Variants in MYH10 observed in about 807,000 individuals in gnomAD.
MYH10 encodes the protein myosin-10.
In MYH10, 55 loss-of-function variants were observed where a neutral mutation model predicts 257.8. The observed-to-expected ratio is 0.21, with a 90% CI of 0.17 to 0.27. The LOEUF (loss-of-function observed/expected upper bound fraction) is 0.27, where lower values mean the gene tolerates loss of function less well. MYH10 is among the 10% of genes least tolerant of loss of function. MYH10 has a pLI of 1.00. For synonymous variants in MYH10, 854 were observed against 921.7 expected, an observed-to-expected ratio of 0.93 and a Z score of 1.33; for missense variants, 1,631 against 2,500.6, an observed-to-expected ratio of 0.65 and a Z score of 7.42.
In MYH10 at chr17:8,535,410, A is replaced by G; in HGVS notation, c.1871T>C (p.Phe624Ser). 6.2e-7 allele frequency: 1 copy of G among 1,613,932 alleles called. No homozygotes were observed. Among genetic ancestry groups the G allele is most frequent in the Non-Finnish European group, 8.5e-7 (1 of 1,179,902 alleles). Residue 624 changes from phenylalanine to serine, a missense_variant, in exon 16 of 43, where the codon TTT becomes TCT. Coordinates refer to ENST00000360416, the MANE Select transcript of MYH10 (RefSeq NM_001256012.3). This position sits in a 1 kb window ranked among gnomAD's most constrained non-coding sequence, Gnocchi z 4.3. Reference protein sequence around the residue: ...ATLLHQSSDRFVAELWKDEIQ... With the variant: ...ATLLHQSSDRSVAELWKDEIQ... ...ACCATCTTTCCAAAGCTCTGCCACA[A>G]ATCTGTCTGATGACTGGTGCAAAAG...
intron 2 of MYH10, 100 bp downstream of exon 2, chr17:8,622,802 A>T: frequency 7.6e-7 from 1 of 1,312,318 alleles, no homozygotes; most frequent in Non-Finnish European, 1.0e-6. Context: ...TTAAACAGAG[A>T]GTTTGGGTAT....
chr17:8,580,550 A>T (rs1393212765), intron 4 of MYH10, among the ~76,000 whole-genome samples: 3 of 152,214 alleles, frequency 2.0e-5, no homozygotes, highest in Non-Finnish European at 4.4e-5. Context: ...TGCTTGATAT[A>T]GACTGCTGAG....
chr17:8,606,775 T>C (rs1487928032), intron 2 of MYH10, among the ~76,000 whole-genome samples: 1 of 152,246 alleles, frequency 6.6e-6, no homozygotes, highest in Non-Finnish European at 1.5e-5. Flanking sequence ...AGATTTGGGC[T>C]GTTTGCTGAA....
intron 2 of MYH10, among the ~76,000 whole-genome samples, chr17:8,613,887 A>G (rs758008041): frequency 6.6e-6 from 1 of 151,360 alleles, no homozygotes; most frequent in Admixed American, 6.6e-5. Flanking sequence ...CCACACAAAC[A>G]CTAATCCAAA....
chr17:8,600,139 C>T (rs2084535953), intron 3 of MYH10, among the ~76,000 whole-genome samples: 1 of 152,190 alleles, frequency 6.6e-6, no homozygotes, highest in African/African-American at 2.4e-5. Context: ...CCAGAAGCAT[C>T]AGCAACCCAA....
At chr17:8,589,714 C>T (rs906614164) in intron 3 of MYH10, among the ~76,000 whole-genome samples, 1 of 151,796 alleles carries the variant, frequency 6.6e-6, no homozygotes, top group South Asian at 2.1e-4. Flanking sequence ...GTTTTATACA[C>T]CAAATACAAC....
At chr17:8,483,979 G>T (rs986924740) in intron 37 of MYH10, among the ~76,000 whole-genome samples, 159 bp downstream of exon 37, 2 of 152,106 alleles carry the variant, frequency 1.3e-5, no homozygotes, top group African/African-American at 2.4e-5. Flanking sequence ...GCAACAAGAA[G>T]GTTGAGGACC....
intron 6 of MYH10, among the ~76,000 whole-genome samples, chr17:8,570,857 C>T (rs1375296582): frequency 6.6e-6 from 1 of 152,112 alleles, no homozygotes; most frequent in Non-Finnish European, 1.5e-5. Flanking sequence ...GTCACGCCGC[C>T]CTGGTGTGGA....
At position 8,477,173 on chromosome 17, in the gene MYH10, G is replaced by GT; in HGVS notation, c.5707-126dup. Reference sequence around the variant, plus strand: ...CTTGTGAGCACGCGTGTACACGGATGTACACGCGTGCCTGGGGGCTGGTCG... The same window carrying GT: ...CTTGTGAGCACGCGTGTACACGGATGTTACACGCGTGCCTGGGGGCTGGTCG... On this transcript the variant is annotated intron_variant, in intron 41 of 42. Coordinates refer to ENST00000360416, the MANE Select transcript of MYH10 (RefSeq NM_001256012.3). The surrounding 1 kb of genome is among the most constrained non-coding windows in gnomAD (Gnocchi z 4.2). The GT allele has an allele frequency of 2.0e-6, 2 of 1,013,038 alleles. No homozygotes were observed. Among genetic ancestry groups the GT allele is most frequent in the South Asian group, 3.4e-5 (2 of 59,636 alleles). 62.8% of individuals were successfully genotyped at this position (1,013,038 alleles called of 1,614,324 possible).
chr17:8,525,869 A>T (rs995659335), intron 17 of MYH10, among the ~76,000 whole-genome samples: 1 of 152,040 alleles, frequency 6.6e-6, no homozygotes, highest in African/African-American at 2.4e-5. Context: ...CTCGGCTCAG[A>T]GCAACCTCCG....
chr17:8,623,236 C>T lies in MYH10; in HGVS notation c.11G>A (p.Arg4Lys), dbSNP rs1487792225. 2 of 1,579,414 alleles carry T rather than the reference C, an allele frequency of 1.3e-6. No individual in the cohort carries two copies. Among genetic ancestry groups the T allele is most frequent in the African/African-American group, 2.7e-5 (2 of 72,894 alleles). The change falls in exon 2 of 43, where the codon AGA (arginine) becomes AAA (lysine). Residue 4 changes from arginine to lysine, a missense_variant. Arg to Lys is a conservative substitution (Grantham distance 26, BLOSUM62 2). Coordinates refer to ENST00000360416, the MANE Select transcript of MYH10 (RefSeq NM_001256012.3). ...CCTCTCTGGATCCTCGAGTCCAGTT[C>T]TCTGCGCCATTGTAAATGGAACGAT... MAQ[R>K]TGLEDPERYL...
intron 17 of MYH10, among the ~76,000 whole-genome samples, chr17:8,527,650 C>G (rs1380722252): frequency 6.6e-6 from 1 of 152,226 alleles, no homozygotes; most frequent in Admixed American, 6.5e-5. Flanking sequence ...GCAGATGCAG[C>G]CACGGCAATG....
rs990079155 is a variant in MYH10, at chr17:8,498,863, C to CA, written c.3951+406dup. ...ACTCTGTCTCAAACAAAAACAAAAA[C>CA]AAAAAAAAAGGTTGCACTAATTTAT... On this transcript the variant is annotated intron_variant, in intron 30 of 42. Coordinates refer to ENST00000360416, the MANE Select transcript of MYH10 (RefSeq NM_001256012.3). Among the ~76,000 whole-genome samples, 6 of 149,786 alleles carry CA rather than the reference C, an allele frequency of 4.0e-5. No individual in the cohort carries two copies. In the East Asian group the frequency reaches 5.8e-4, roughly 15 times the overall value.
intron 3 of MYH10, among the ~76,000 whole-genome samples, chr17:8,593,404 CCAAA>C (rs1395499604): frequency 1.3e-4 from 19 of 140,876 alleles, no homozygotes; most frequent in African/African-American, 4.0e-4. Context: ...ACAGAAAATC[CCAAA>C]CAATCTACAA....
chr17:8,589,063 C>T lies in MYH10; in HGVS notation c.530+18G>A, dbSNP rs577213529. ...CAAGAAAATCAAAAACAAATCTGAA[C>T]ATTCAACATTTACTTACGTGCAAAG... On this transcript the variant is annotated intron_variant, in intron 4 of 42. Coordinates refer to ENST00000360416, the MANE Select transcript of MYH10 (RefSeq NM_001256012.3). 1.9e-5 allele frequency: 31 copies of T among 1,612,644 alleles called. No homozygotes were observed. Among genetic ancestry groups the T allele is most frequent in the South Asian group, 8.8e-5 (8 of 90,892 alleles).
At chr17:8,630,305 G>A (rs979116574) in intron 1 of MYH10, among the ~76,000 whole-genome samples, 2 of 137,246 alleles carry the variant, frequency 1.5e-5, no homozygotes, top group African/African-American at 5.6e-5. Context: ...CCCACCCCCA[G>A]ATCTCCATCC....
At chr17:8,503,833 G>A (rs1002439957) in intron 28 of MYH10, among the ~76,000 whole-genome samples, 1 of 152,200 alleles carries the variant, frequency 6.6e-6, no homozygotes, top group Non-Finnish European at 1.5e-5. Flanking sequence ...GAGCCAGCAG[G>A]TGTGCCTGCA....
Position 8,504,798 on chromosome 17 carries a change from C to G in MYH10, c.3495G>C (p.Arg1165=). The part of the protein sequence containing the change: ...QEDFESEKAS[R]NKAEKQKRDL... ...CCCTTTTCTGCTTTTCGGCCTTGTTCCGTGAAGCCTTCTCGGATTCAAAGT... is the reference window on the plus strand; with the variant it reads ...CCCTTTTCTGCTTTTCGGCCTTGTTGCGTGAAGCCTTCTCGGATTCAAAGT... The change falls in exon 28 of 43, where the codon CGG becomes CGC. Residue 1165 remains arginine, a synonymous_variant. Coordinates refer to ENST00000360416, the MANE Select transcript of MYH10 (RefSeq NM_001256012.3). This position sits in a 1 kb window ranked among gnomAD's most constrained non-coding sequence, Gnocchi z 5.6. 1 of 1,614,210 alleles carries G rather than the reference C, an allele frequency of 6.2e-7. No individual in the cohort carries two copies. Among genetic ancestry groups the G allele is most frequent in the Non-Finnish European group, 8.5e-7 (1 of 1,180,040 alleles).
intron 2 of MYH10, among the ~76,000 whole-genome samples, 153 bp from the exon 3 acceptor site, chr17:8,605,135 A>C (rs1445682285): frequency 6.6e-6 from 1 of 152,220 alleles, no homozygotes; most frequent in Non-Finnish European, 1.5e-5. Flanking sequence ...TTAGCCTATA[A>C]TGGGCAATTT....
Sources: allele counts gnomAD v4.1 joint callset (sites outside exome capture counted in the v4.1 genomes callset), GRCh38; gene constraint gnomAD v4.1.1; non-coding constraint Gnocchi (gnomAD v3.1); transcripts MANE v1.5; gene names NCBI Gene and HGNC (gene_info 2026-07-23, HGNC 2026-07-21).